The following TMEM131 variants were observed in gnomAD, a reference collection of about 807,000 sequenced individuals.
TMEM131 encodes the protein 2610524E03Rik.
A neutral mutation model predicts 211.6 loss-of-function variants in TMEM131; 66 were observed. The observed-to-expected ratio is 0.31, with a 90% CI of 0.26 to 0.38. The LOEUF (loss-of-function observed/expected upper bound fraction) is 0.38, where lower values mean the gene tolerates loss of function less well. Among genes scored for constraint, TMEM131 ranks in the 10% least tolerant of loss-of-function variants. The probability of loss-of-function intolerance (pLI) is 1.00; values close to 1 mark genes in which losing one functional copy is unlikely to be tolerated. For synonymous variants in TMEM131, 844 were observed against 841.3 expected (o/e 1.00, Z -0.06); for missense variants, 2,036 against 2,299.3 (o/e 0.89, Z 2.34).
At chr2:97,869,348 T>G (rs975540713) in intron 4 of TMEM131, among the ~76,000 whole-genome samples, 1 of 152,194 alleles carries the variant, frequency 6.6e-6, no homozygotes, top group Non-Finnish European at 1.5e-5. Flanking sequence ...GTGGAAGTGC[T>G]AGGAGCCTGG....
intron 15 of TMEM131, 82 bp downstream of exon 15, chr2:97,813,889 T>C (rs1573399865): frequency 5.3e-6 from 6 of 1,126,974 alleles, no homozygotes; most frequent in Non-Finnish European, 4.9e-6. Context: ...GCAAACCGTA[T>C]GTAACACGAC....
At chr2:97,785,725 T>C (rs1680216261) in intron 31 of TMEM131, among the ~76,000 whole-genome samples, 1 of 152,224 alleles carries the variant, frequency 6.6e-6, no homozygotes, top group Admixed American at 6.5e-5. Flanking sequence ...CAAATATTTG[T>C]AGCATCTTTA....
intron 6 of TMEM131, 126 bp from the exon 7 acceptor site, chr2:97,842,063 T>C (rs1471814971): frequency 2.1e-6 from 2 of 960,994 alleles, no homozygotes; most frequent in Non-Finnish European, 2.8e-6. Flanking sequence ...AATCCCTTTA[T>C]TTAAAAAAAA....
At chr2:97,829,402 G>A (rs1434140524) in intron 11 of TMEM131, among the ~76,000 whole-genome samples, 4 of 152,138 alleles carry the variant, frequency 2.6e-5, no homozygotes, top group Non-Finnish European at 5.9e-5. Flanking sequence ...TCAGCGCTCT[G>A]TGTCTAGCTA....
chr2:97,895,133 T>A (rs149682367), intron 3 of TMEM131, among the ~76,000 whole-genome samples: 75 of 152,286 alleles, frequency 4.9e-4, no homozygotes, highest in Admixed American at 8.5e-4. Context: ...GATAGTCATG[T>A]GGTTTTTGTC....
At chr2:97,835,673 T>C (rs907984976) in intron 8 of TMEM131, among the ~76,000 whole-genome samples, 1 of 152,144 alleles carries the variant, frequency 6.6e-6, no homozygotes, top group African/African-American at 2.4e-5. Context: ...ATCCCTACTC[T>C]CTTTTTTAGT....
In TMEM131 at chr2:97,985,548, A is replaced by C. The variant is rs572413551; in HGVS notation, c.187+9928T>G. Among the ~76,000 whole-genome samples the C allele has an allele frequency of 2.0e-5, 3 of 152,280 alleles. No homozygotes were observed. The South Asian group carries it at 6.2e-4, about 32-fold the overall frequency. ...AGGGAATAAAAACAAGATAGATAAGAAACTGCTTTTTGAAGAATAATCATT... is the reference window on the plus strand; with the variant it reads ...AGGGAATAAAAACAAGATAGATAAGCAACTGCTTTTTGAAGAATAATCATT... On this transcript the variant is annotated intron_variant, in intron 1 of 40. Transcript: ENST00000186436.
At chr2:97,980,410 A>G (rs1679735374) in intron 1 of TMEM131, among the ~76,000 whole-genome samples, 1 of 152,216 alleles carries the variant, frequency 6.6e-6, no homozygotes, top group Admixed American at 6.5e-5. Context: ...GGCTAAAATT[A>G]AAGGACTGAC....
At chr2:97,805,882 C>CT (rs1181312096) in intron 19 of TMEM131, among the ~76,000 whole-genome samples, 179 bp from the exon 20 acceptor site, 3 of 152,222 alleles carry the variant, frequency 2.0e-5, no homozygotes, top group Non-Finnish European at 4.4e-5. Flanking sequence ...CACCAAAAAA[C>CT]TTTTTTTTCT....
intron 2 of TMEM131, among the ~76,000 whole-genome samples, chr2:97,926,369 T>C (rs1367555858): frequency 1.3e-5 from 2 of 152,204 alleles, no homozygotes; most frequent in Non-Finnish European, 1.5e-5. Flanking sequence ...GTTAAACCTA[T>C]TGGTAAATTA....
chr2:97,772,190 C>T, intron 33 of TMEM131, 107 bp downstream of exon 33: 3 of 1,367,906 alleles, frequency 2.2e-6, no homozygotes, highest in Non-Finnish European at 3.0e-6. Flanking sequence ...GCTATCAACT[C>T]CCCTAAAAGC....
intron 4 of TMEM131, among the ~76,000 whole-genome samples, chr2:97,875,642 C>T (rs1674661633): frequency 6.6e-6 from 1 of 152,034 alleles, no homozygotes; most frequent in African/African-American, 2.4e-5. Context: ...GAAATGAAGG[C>T]AGAAAAAAGA....
At chr2:97,858,157 G>A (rs934746962) in intron 5 of TMEM131, among the ~76,000 whole-genome samples, 16 of 152,142 alleles carry the variant, frequency 1.1e-4, no homozygotes, top group African/African-American at 3.9e-4. Flanking sequence ...ATATAAAAAT[G>A]TAGCAACCAA....
chr2:97,794,010 A>C (rs1021977344), intron 29 of TMEM131, among the ~76,000 whole-genome samples: 19 of 149,764 alleles, frequency 1.3e-4, no homozygotes, highest in African/African-American at 3.9e-4. Flanking sequence ...AAAAAAAAAA[A>C]AAAAACAAAA....
intron 5 of TMEM131, among the ~76,000 whole-genome samples, chr2:97,849,561 T>C (rs1683603070): frequency 6.6e-6 from 1 of 152,132 alleles, no homozygotes; most frequent in African/African-American, 2.4e-5. Context: ...TATGACCTTA[T>C]GGGTTTGTCA....
chr2:97,865,011 C>T (rs570827401), intron 4 of TMEM131, among the ~76,000 whole-genome samples: 1 of 152,306 alleles, frequency 6.6e-6, no homozygotes, highest in Admixed American at 6.5e-5. Flanking sequence ...CTTTGTCCCA[C>T]GATGCTTCTG....
chr2:97,822,153 G>A (rs1298085939), intron 11 of TMEM131, among the ~76,000 whole-genome samples: 1 of 152,122 alleles, frequency 6.6e-6, no homozygotes, highest in Non-Finnish European at 1.5e-5. Flanking sequence ...TGCCTTTCTA[G>A]TTTCTCCTAT....
intron 18 of TMEM131, among the ~76,000 whole-genome samples, chr2:97,810,422 T>C (rs1681497722): frequency 6.6e-6 from 1 of 152,238 alleles, no homozygotes; most frequent in Non-Finnish European, 1.5e-5. Flanking sequence ...AAATCATTTA[T>C]TATTAAATGG....
In TMEM131 at chr2:97,811,224, T is replaced by C. The variant is rs762326375; in HGVS notation, c.1872A>G (p.Leu624=). Residue 624 remains leucine, a synonymous_variant, in exon 18 of 41, where the codon TTA becomes TTG. Transcript: ENST00000186436. The part of the protein sequence containing the change: ...SSLSDQSSVT[L]ASGYFAVFRV... ...TGAAGACTGCAAAATAGCCTGAAGC[T>C]AATGTTACCTGTAGATAGTAGAAAT... 2.0e-5 allele frequency: 32 copies of C among 1,612,390 alleles called. No homozygotes were observed. Among genetic ancestry groups the C allele is most frequent in the Middle Eastern group, 1.7e-4 (1 of 6,052 alleles).
Sources: gnomAD v4.1 joint callset for allele counts (sites outside exome capture counted in the v4.1 genomes callset) on GRCh38, gnomAD v4.1.1 for gene constraint, MANE v1.5 for transcripts, NCBI Gene and HGNC (gene_info 2026-07-23, HGNC 2026-07-21) for gene names.